The following SPMIP5 variants were observed in gnomAD, a reference collection of about 807,000 sequenced individuals.
The protein encoded by SPMIP5 is sperm-associated microtubule inner protein 5.
the SPMIP5 span, chr10:116,665,275 T>C: frequency 2.3e-6 from 1 of 425,884 alleles, no homozygotes; most frequent in Non-Finnish European, 3.8e-6. Context: ...CATGCACCTG[T>C]AGTCTCAGCT....
the SPMIP5 span, chr10:116,664,719 C>T: frequency 1.9e-6 from 3 of 1,601,678 alleles, no homozygotes; most frequent in South Asian, 1.1e-5. Context: ...GCACTTCTCC[C>T]TTTGACCTTG....
the SPMIP5 span, chr10:116,668,184 G>T: frequency 7.1e-7 from 1 of 1,413,638 alleles, no homozygotes; most frequent in Non-Finnish European, 1.0e-6. Flanking sequence ...CACAGACAGT[G>T]GGTCAAGGCA....
At chr10:116,663,762 C>A in the SPMIP5 span, 3 of 909,680 alleles carry the variant, frequency 3.3e-6, no homozygotes, top group Non-Finnish European at 3.1e-6. Context: ...GACATGCAAC[C>A]GTCAACCACT....
At chr10:116,665,911 G>T in the SPMIP5 span, 2 of 1,195,922 alleles carry the variant, frequency 1.7e-6, no homozygotes, top group Non-Finnish European at 2.4e-6. Flanking sequence ...CAGCATTTCA[G>T]CCCACCCTTT....
the SPMIP5 span, among the ~76,000 whole-genome samples, chr10:116,667,564 C>CT: frequency 6.6e-6 from 1 of 152,170 alleles, no homozygotes; most frequent in Admixed American, 6.5e-5. Flanking sequence ...TTGGGCAACC[C>CT]TGGAATATCA....
At chr10:116,664,786 T>G in the SPMIP5 span, 8 of 1,614,016 alleles carry the variant, frequency 5.0e-6, no homozygotes, top group Admixed American at 1.3e-4. Flanking sequence ...AGATGTGCCT[T>G]CTTGGCCCTC....
At chr10:116,670,252 T>C in the SPMIP5 span, 900 of 151,870 alleles carry the variant, frequency 5.9e-3, 4 homozygotes, top group African/African-American at 0.019. Context: ...TTTGCGGGTG[T>C]AGACACTGCG....
chr10:116,666,365 T>C, the SPMIP5 span, among the ~76,000 whole-genome samples: 1 of 152,116 alleles, frequency 6.6e-6, no homozygotes, highest in East Asian at 1.9e-4. Flanking sequence ...AAGTAACATA[T>C]AATCATTACA....
At chr10:116,664,436 GAA>G in the SPMIP5 span, 1 of 797,736 alleles carries the variant, frequency 1.3e-6, no homozygotes, top group East Asian at 2.8e-5. Context: ...TCATTTCGCA[GAA>G]GAGAAAGCTG....
At chr10:116,670,073 G>C in the SPMIP5 span, 1 of 152,062 alleles carries the variant, frequency 6.6e-6, no homozygotes, top group Non-Finnish European at 1.5e-5. Context: ...CCCTTCCCGC[G>C]GTCCCACCTG....
chr10:116,664,746 C>CCAGGCA, the SPMIP5 span: 1 of 1,612,472 alleles, frequency 6.2e-7, no homozygotes, highest in Non-Finnish European at 8.5e-7. Flanking sequence ...GGGTACGGAC[C>CCAGGCA]CAAGCCAGAC....
chr10:116,665,416 A>AG, the SPMIP5 span: 3 of 568,516 alleles, frequency 5.3e-6, no homozygotes, highest in African/African-American at 3.8e-5. Context: ...AAAAAAAAAA[A>AG]AAAAAGAAAA....
chr10:116,666,442 T>C, the SPMIP5 span, among the ~76,000 whole-genome samples: 1 of 140,266 alleles, frequency 7.1e-6, no homozygotes, highest in Non-Finnish European at 1.5e-5. Context: ...TATAATATTG[T>C]CACAATAAAA....
chr10:116,665,230 C>T, the SPMIP5 span: 4 of 698,438 alleles, frequency 5.7e-6, no homozygotes, highest in Non-Finnish European at 7.8e-6. Flanking sequence ...AACCCCGTCT[C>T]TACTAAAAAT....
chr10:116,665,651 C>T, the SPMIP5 span: 1 of 1,613,958 alleles, frequency 6.2e-7, no homozygotes, highest in Non-Finnish European at 8.5e-7. Context: ...GGTGCAGGGC[C>T]TGCAGGACCG....
the SPMIP5 span, chr10:116,663,991 C>T: frequency 6.5e-7 from 1 of 1,544,058 alleles, no homozygotes; most frequent in Non-Finnish European, 8.7e-7. Flanking sequence ...AGCACAGCCA[C>T]ATGTCAGCGG....
chr10:116,666,938 A>G, the SPMIP5 span, among the ~76,000 whole-genome samples: 86 of 152,328 alleles, frequency 5.6e-4, no homozygotes, highest in Non-Finnish European at 9.8e-4. Context: ...CAACAATCTT[A>G]TGGTATCCCA....
the SPMIP5 span, chr10:116,664,522 C>T: frequency 3.4e-6 from 3 of 888,918 alleles, no homozygotes; most frequent in Admixed American, 1.0e-4. Context: ...CCCATCCCCT[C>T]CCTGCAAACC....
At chr10:116,668,255 T>TA in the SPMIP5 span, 1 of 1,613,262 alleles carries the variant, frequency 6.2e-7, no homozygotes, top group African/African-American at 1.3e-5. Context: ...CGTCCACACT[T>TA]ACCGCTATAG....
Sources: gnomAD v4.1 joint callset for allele counts (sites outside exome capture counted in the v4.1 genomes callset) on GRCh38, gnomAD v4.1.1 for gene constraint, MANE v1.5 for transcripts, NCBI Gene and HGNC (gene_info 2026-07-23, HGNC 2026-07-21) for gene names.